The following JAM2 variants were observed in gnomAD, a reference collection of about 807,000 sequenced individuals.
JAM2 encodes junctional adhesion molecule B.
JAM2 carries 17 observed loss-of-function variants against 42.0 expected under a neutral mutation model. The ratio of observed to expected loss-of-function variants is 0.40; its 90% confidence interval spans 0.28 to 0.61. The LOEUF is 0.61. Ranked by LOEUF, JAM2 falls within the 20% of genes least tolerant of loss-of-function variation. The pLI is 0.37. For synonymous variants in JAM2, 118 were observed against 128.6 expected, an observed-to-expected ratio of 0.92 and a Z score of 0.56; for missense variants, 319 against 358.3, an observed-to-expected ratio of 0.89 and a Z score of 0.89.
chr21:25,651,202 G>C (rs1287913841), intron 1 of JAM2, among the ~76,000 whole-genome samples: 1 of 151,844 alleles, frequency 6.6e-6, no homozygotes, highest in Non-Finnish European at 1.5e-5. Flanking sequence ...AAGGATATTT[G>C]TAAGTTACAT....
chr21:25,675,118 G>A (rs986307994), intron 1 of JAM2, among the ~76,000 whole-genome samples: 2 of 152,144 alleles, frequency 1.3e-5, no homozygotes, highest in Admixed American at 1.3e-4. Flanking sequence ...ATGGAGGAAG[G>A]CGAAGGGGGC....
chr21:25,677,246 G>A (rs1415406971), intron 1 of JAM2, among the ~76,000 whole-genome samples: 2 of 151,378 alleles, frequency 1.3e-5, no homozygotes, highest in East Asian at 1.9e-4. Context: ...AAATACTACC[G>A]ATAATTAATT....
At chr21:25,712,979 C>T (rs113574071) in intron 9 of JAM2, among the ~76,000 whole-genome samples, 9 of 152,342 alleles carry the variant, frequency 5.9e-5, no homozygotes, top group African/African-American at 2.2e-4. Context: ...CCAGTAGACT[C>T]AATGTCTAGT....
At chr21:25,675,724 G>T (rs541111843) in intron 1 of JAM2, among the ~76,000 whole-genome samples, 1 of 152,120 alleles carries the variant, frequency 6.6e-6, no homozygotes, top group Non-Finnish European at 1.5e-5. Flanking sequence ...GTTCCAAGGG[G>T]ATTGTGTTAA....
intron 8 of JAM2, among the ~76,000 whole-genome samples, chr21:25,711,185 T>C (rs986478471): frequency 6.6e-6 from 1 of 152,152 alleles, no homozygotes; most frequent in African/African-American, 2.4e-5. Context: ...ATTTTAATAT[T>C]TGATATGCTT....
intron 6 of JAM2, 147 bp from the exon 7 acceptor site, chr21:25,705,832 G>C: frequency 1.7e-6 from 1 of 582,726 alleles, no homozygotes; most frequent in Admixed American, 2.9e-5. Context: ...TCTTAGAAGT[G>C]AGTTAGTTGA....
intron 1 of JAM2, among the ~76,000 whole-genome samples, chr21:25,654,214 T>C (rs2032861156): frequency 6.6e-6 from 1 of 152,206 alleles, no homozygotes; most frequent in African/African-American, 2.4e-5. Context: ...TAGAATCTAA[T>C]CATCATTTGC....
intron 1 of JAM2, among the ~76,000 whole-genome samples, chr21:25,649,212 G>A (rs2032700250): frequency 1.3e-5 from 2 of 151,970 alleles, no homozygotes; most frequent in African/African-American, 4.9e-5. Flanking sequence ...AACAAAGCAC[G>A]TATTAGTGTG....
intron 1 of JAM2, among the ~76,000 whole-genome samples, chr21:25,673,563 A>C (rs1406323882): frequency 6.6e-6 from 1 of 152,188 alleles, no homozygotes; most frequent in Admixed American, 6.5e-5. Flanking sequence ...TCTGAATAAT[A>C]TCTTTACAAC....
intron 1 of JAM2, among the ~76,000 whole-genome samples, chr21:25,682,328 T>C (rs1033238931): frequency 2.6e-5 from 4 of 152,254 alleles, no homozygotes; most frequent in African/African-American, 9.6e-5. Context: ...TAGAAAGTTA[T>C]ATTGATACTT....
intron 3 of JAM2, 21 bp from the exon 4 acceptor site, chr21:25,693,735 A>G (rs769327222): frequency 1.2e-6 from 2 of 1,600,444 alleles, no homozygotes; most frequent in African/African-American, 1.3e-5. Context: ...TACTAACATC[A>G]ATGTCTTCTT....
chr21:25,659,053 C>G (rs1032786856), intron 1 of JAM2, among the ~76,000 whole-genome samples: 1 of 152,082 alleles, frequency 6.6e-6, no homozygotes, highest in Non-Finnish European at 1.5e-5. Context: ...AAATTCAAAG[C>G]AATATTAACC....
At chr21:25,712,423 G>A (rs1673128850) in intron 9 of JAM2, 41 bp downstream of exon 9, 3 of 1,362,368 alleles carry the variant, frequency 2.2e-6, no homozygotes, top group Non-Finnish European at 3.1e-6. Context: ...GAATATGTTT[G>A]GGGAATAGGG....
intron 4 of JAM2, 96 bp from the exon 5 acceptor site, chr21:25,698,581 C>T (rs1475100363): frequency 9.6e-7 from 1 of 1,040,376 alleles, no homozygotes; most frequent in Non-Finnish European, 1.4e-6. Flanking sequence ...GCTATTAAAA[C>T]CATTGATTGT....
At chr21:25,698,173 G>A (rs961175312) in intron 4 of JAM2, among the ~76,000 whole-genome samples, 2 of 152,180 alleles carry the variant, frequency 1.3e-5, no homozygotes, top group Non-Finnish European at 2.9e-5. Flanking sequence ...TTAATAGTAA[G>A]TTCCTTTCTC....
At chr21:25,675,366 C>T (rs937535970) in intron 1 of JAM2, among the ~76,000 whole-genome samples, 4 of 152,028 alleles carry the variant, frequency 2.6e-5, no homozygotes, top group Non-Finnish European at 4.4e-5. Context: ...CATGGTGGCT[C>T]ATGCTTGTAG....
chr21:25,660,784 T>TATATATATATATATATA (rs2033066688), intron 1 of JAM2, among the ~76,000 whole-genome samples: 1 of 25,514 alleles, frequency 3.9e-5, no homozygotes, highest in African/African-American at 2.3e-4. Flanking sequence ...ATATATATAT[T>TATATATATATATATATA]TTTTTTTTTT....
chr21:25,694,829 C>A (rs115060661), intron 4 of JAM2, among the ~76,000 whole-genome samples: 3,266 of 138,416 alleles, frequency 0.024, 123 homozygotes, highest in African/African-American at 0.084. Context: ...GACAGCAGGA[C>A]TTTCTCAAAA....
At chr21:25,695,710 A>G (rs1368959615) in intron 4 of JAM2, among the ~76,000 whole-genome samples, 1 of 146,906 alleles carries the variant, frequency 6.8e-6, no homozygotes, top group Non-Finnish European at 1.5e-5. Flanking sequence ...CACTTTCCAG[A>G]TGGGGCGGCT....
Sources: gnomAD v4.1 joint callset for allele counts (sites outside exome capture counted in the v4.1 genomes callset) on GRCh38, gnomAD v4.1.1 for gene constraint, MANE v1.5 for transcripts, NCBI Gene and HGNC (gene_info 2026-07-23, HGNC 2026-07-21) for gene names.